AXIN1: variants seen among roughly 807,000 people sequenced by gnomAD.
The protein encoded by AXIN1 is axin-1.
A neutral mutation model predicts 76.4 loss-of-function variants in AXIN1; 30 were observed. That is an observed-to-expected ratio of 0.39 (90% CI 0.29 to 0.53). AXIN1 has a LOEUF of 0.53. Among genes scored for constraint, AXIN1 ranks in the 20% least tolerant of loss-of-function variants. AXIN1 has a pLI of 0.66. For synonymous variants in AXIN1, 545 were observed against 501.4 expected, an observed-to-expected ratio of 1.09 and a Z score of -1.16; for missense variants, 1,140 against 1,198.8, an observed-to-expected ratio of 0.95 and a Z score of 0.72.
intron 2 of AXIN1, among the ~76,000 whole-genome samples, chr16:324,661 T>C (rs1243788029): frequency 2.0e-5 from 3 of 152,206 alleles, no homozygotes; most frequent in Admixed American, 1.3e-4. Flanking sequence ...GATCCCTGTT[T>C]TGACAAGCTA....
intron 4 of AXIN1, among the ~76,000 whole-genome samples, chr16:309,524 G>A (rs774159808): frequency 3.9e-5 from 6 of 152,180 alleles, no homozygotes; most frequent in Admixed American, 6.5e-5. Context: ...ATGCAACAGC[G>A]AAAGCCAAGG....
rs1338503613 is a variant in AXIN1 at position 288,131 on chromosome 16, C to T, written c.2580G>A (p.Lys860=). The part of the protein sequence containing the change: ...FEEKIIGKVE[K]VD ...CCAGCCCACCAGCCTATCAGTCCAC[C>T]TTCTCCACTTTGCCGATGATCTTCT... Residue 860 remains lysine (K), a synonymous_variant, in exon 11 of 11, where the codon AAG becomes AAA. Coordinates refer to ENST00000262320, the MANE Select transcript of AXIN1 (RefSeq NM_003502.4). 2.5e-6 allele frequency: 4 copies of T among 1,613,470 alleles called. No individual in the cohort carries two copies. Among genetic ancestry groups the T allele is most frequent in the Non-Finnish European group, 1.7e-6 (2 of 1,180,018 alleles).
chr16:289,637 G>A (rs761332374), intron 9 of AXIN1, 30 bp from the exon 10 acceptor site: 6 of 1,611,240 alleles, frequency 3.7e-6, no homozygotes, highest in African/African-American at 1.3e-5. Context: ...GGTGGTACCT[G>A]GTTTTGGACT....
At chr16:289,009 C>T (rs189508156) in intron 10 of AXIN1, among the ~76,000 whole-genome samples, 2 of 152,282 alleles carry the variant, frequency 1.3e-5, no homozygotes, top group Non-Finnish European at 2.9e-5. Context: ...CCACCCTCAG[C>T]CTAGGGCTTG....
At chr16:324,126 G>A (rs66720247) in intron 2 of AXIN1, among the ~76,000 whole-genome samples, 21,934 of 151,418 alleles carry the variant, frequency 0.14, 1,824 homozygotes, top group South Asian at 0.24. Flanking sequence ...ACCCGGGACC[G>A]TCCGCACTGA....
chr16:305,102 G>A (rs576700867), intron 4 of AXIN1, among the ~76,000 whole-genome samples: 6 of 152,232 alleles, frequency 3.9e-5, no homozygotes, highest in Non-Finnish European at 8.8e-5. Flanking sequence ...AGGCCCCCGA[G>A]GCCCCACGGC....
chr16:330,691 T>C (rs936131103), intron 2 of AXIN1, among the ~76,000 whole-genome samples: 3 of 152,216 alleles, frequency 2.0e-5, no homozygotes, highest in Non-Finnish European at 4.4e-5. Context: ...AGAAACACTT[T>C]ATGTAATGAA....
chr16:296,253 C>T (rs559765148), intron 7 of AXIN1, among the ~76,000 whole-genome samples: 4 of 152,390 alleles, frequency 2.6e-5, no homozygotes, highest in Non-Finnish European at 5.9e-5. Flanking sequence ...ACGCCCCAGG[C>T]GCTCAGCTGC....
At position 293,253 on chromosome 16, in the gene AXIN1, A is replaced by C; in HGVS notation, c.2186+235T>G. The C allele has an allele frequency of 3.5e-6, 2 of 575,938 alleles. No homozygotes were observed. Among genetic ancestry groups the C allele is most frequent in the Non-Finnish European group, 6.2e-6 (2 of 322,424 alleles). 35.7% of individuals were successfully genotyped at this position (575,938 alleles called of 1,614,324 possible). A position where few individuals can be genotyped will look rare whatever the true frequency, so the allele number is the denominator to read the frequency against. Reference sequence around the variant, plus strand: ...GAGGAGGGACCCCGCCTCCAGAGCAATGAGCGCGGCGGCCTCGGGTGTGTG... The same window carrying C: ...GAGGAGGGACCCCGCCTCCAGAGCACTGAGCGCGGCGGCCTCGGGTGTGTG... On this transcript the variant is annotated intron_variant, in intron 8 of 10. Transcript: ENST00000262320. This position sits in a 1 kb window ranked among gnomAD's most constrained non-coding sequence, Gnocchi z 4.6.
At chr16:313,018 AATC>A (rs1429025305) in intron 3 of AXIN1, among the ~76,000 whole-genome samples, 2 of 151,738 alleles carry the variant, frequency 1.3e-5, no homozygotes, top group African/African-American at 2.4e-5. Flanking sequence ...CCACAAAAAT[AATC>A]ATCATCATCA....
chr16:322,718 C>T (rs1369755573), intron 2 of AXIN1, among the ~76,000 whole-genome samples: 1 of 152,238 alleles, frequency 6.6e-6, no homozygotes, highest in Non-Finnish European at 1.5e-5. Context: ...GAATCGCTGG[C>T]TCCCGGGGAC....
At chr16:336,571 C>T (rs765163693) in intron 2 of AXIN1, among the ~76,000 whole-genome samples, 2 of 152,086 alleles carry the variant, frequency 1.3e-5, no homozygotes, top group Non-Finnish European at 2.9e-5. Context: ...CCTGTAATCC[C>T]AGCACTTTGG....
At position 287,449 on chromosome 16, in the gene AXIN1, A is replaced by AAAAC. The variant is rs1348099435; in HGVS notation, c.*669_*672dup. The AAAAC allele has an allele frequency of 1.3e-5, 6 of 446,204 alleles. No homozygotes were observed. The highest frequency in any genetic ancestry group is 7.9e-5 in the African/African-American group (4 of 50,438). The allele number at this position is 446,204 out of a possible 1,614,324, so 27.6% of individuals were successfully genotyped here. The stretch of plus-strand genomic sequence containing the variant: ...ACACACCACAGCCAGGGCAGGTTCA[A>AAAAC]AAACAGTTTTATTTCATTATTATCC... On this transcript the variant is annotated 3_prime_UTR_variant, in exon 11 of 11. Transcript: ENST00000262320.
chr16:343,499 C>T (rs1432842080), intron 2 of AXIN1, among the ~76,000 whole-genome samples: 4 of 151,292 alleles, frequency 2.6e-5, no homozygotes, highest in Non-Finnish European at 4.4e-5. Context: ...GAAAGGAGTT[C>T]GAGACCAGAC....
Position 293,267 on chromosome 16 carries a change from C to T in AXIN1, c.2186+221G>A. ...CCTCCAGAGCAATGAGCGCGGCGGC[C>T]TCGGGTGTGTGAAAGCTCCAGCCCC... On this transcript the variant is annotated intron_variant, in intron 8 of 10. Transcript: ENST00000262320. The surrounding 1 kb of genome is among the most constrained non-coding windows in gnomAD (Gnocchi z 4.6). 1 of 602,766 alleles carries T rather than the reference C, an allele frequency of 1.7e-6. No homozygotes were observed. Among genetic ancestry groups the T allele is most frequent in the South Asian group, 2.0e-5 (1 of 50,028 alleles). The allele number at this position is 602,766 out of a possible 1,614,324, so 37.3% of individuals were successfully genotyped here.
At chr16:290,873 C>T (rs951351980) in intron 9 of AXIN1, 21 of 459,348 alleles carry the variant, frequency 4.6e-5, no homozygotes, top group Middle Eastern at 6.4e-4. Flanking sequence ...CGGGTGGAGG[C>T]GCAGGCAGGT....
chr16:333,814 G>T (rs1169046794), intron 2 of AXIN1, among the ~76,000 whole-genome samples: 1 of 151,860 alleles, frequency 6.6e-6, no homozygotes, highest in Non-Finnish European at 1.5e-5. Context: ...AGGTACCACA[G>T]CATGCCAATA....
At chr16:294,878 C>A (rs1468376336) in intron 7 of AXIN1, among the ~76,000 whole-genome samples, 1 of 150,726 alleles carries the variant, frequency 6.6e-6, no homozygotes, top group Non-Finnish European at 1.5e-5. Flanking sequence ...CTGGCTAACA[C>A]GGTGAAACCC....
At chr16:291,416 C>T (rs1282302911) in intron 8 of AXIN1, 119 bp from the exon 9 acceptor site, 3 of 831,730 alleles carry the variant, frequency 3.6e-6, no homozygotes, top group Non-Finnish European at 5.9e-6. Context: ...AACAACCCAC[C>T]CTGCGCAGGC....
Sources: allele counts gnomAD v4.1 joint callset (sites outside exome capture counted in the v4.1 genomes callset), GRCh38; gene constraint gnomAD v4.1.1; non-coding constraint Gnocchi (gnomAD v3.1); transcripts MANE v1.5; gene names NCBI Gene and HGNC (gene_info 2026-07-23, HGNC 2026-07-21).